The following CAMKMT variants were observed in gnomAD, a reference collection of about 807,000 sequenced individuals.
CAMKMT encodes the protein calmodulin-lysine N-methyltransferase, also known as CaM KMT.
Under a neutral mutation model 48.0 loss-of-function variants are expected in CAMKMT, and 53 were observed. That is an observed-to-expected ratio of 1.10 (90% confidence interval 0.89 to 1.39). The LOEUF is 1.39. Ranked by LOEUF, CAMKMT falls within the 40% of genes most tolerant of loss-of-function variation. The pLI is 0.00. For missense variants in CAMKMT, 428 were observed against 402.7 expected, an observed-to-expected ratio of 1.06 and a Z score of -0.54; for synonymous variants, 165 against 152.3, an observed-to-expected ratio of 1.08 and a Z score of -0.61.
At chr2:44,512,423 T>C (rs955073947) in intron 3 of CAMKMT, among the ~76,000 whole-genome samples, 1 of 152,216 alleles carries the variant, frequency 6.6e-6, no homozygotes, top group African/African-American at 2.4e-5. Context: ...TTATTATTAT[T>C]TTCTAGCTTT....
chr2:44,547,314 G>GGATT (rs1667462225), intron 3 of CAMKMT, among the ~76,000 whole-genome samples: 1 of 152,134 alleles, frequency 6.6e-6, no homozygotes, highest in Non-Finnish European at 1.5e-5. Flanking sequence ...ACCTCAGCAG[G>GGATT]GATTGGTCAA....
At chr2:44,371,358 G>T (rs1679165083) in intron 1 of CAMKMT, among the ~76,000 whole-genome samples, 1 of 151,896 alleles carries the variant, frequency 6.6e-6, no homozygotes, top group South Asian at 2.1e-4. Flanking sequence ...GCCTCAAGCA[G>T]TCCTCCTGCC....
At chr2:44,627,697 CTTTTTTTTTTTTTTTT>C (rs1174344846) in intron 3 of CAMKMT, among the ~76,000 whole-genome samples, 5 of 75,098 alleles carry the variant, frequency 6.7e-5, no homozygotes, top group African/African-American at 1.2e-4. Context: ...CCATTTTATC[CTTTTTTTTTTTTTTTT>C]TTTTTTTTTT....
intron 3 of CAMKMT, among the ~76,000 whole-genome samples, chr2:44,609,074 T>G (rs1050600039): frequency 6.6e-6 from 1 of 152,240 alleles, no homozygotes; most frequent in African/African-American, 2.4e-5. Context: ...AAAAGATTGC[T>G]TTTCCACTTG....
chr2:44,583,345 C>T (rs1669673219), intron 3 of CAMKMT, among the ~76,000 whole-genome samples: 1 of 152,164 alleles, frequency 6.6e-6, no homozygotes. Flanking sequence ...TGACCAGTTA[C>T]ATAATTTTTA....
chr2:44,380,568 A>G (rs2592195), intron 2 of CAMKMT, among the ~76,000 whole-genome samples: 109,748 of 151,974 alleles, frequency 0.72, 40,407 homozygotes, highest in Middle Eastern at 0.81. Flanking sequence ...GAAAAAGAAC[A>G]GTCCTTAAGT....
chr2:44,511,345 A>G (rs1055533520), intron 3 of CAMKMT, among the ~76,000 whole-genome samples: 5 of 152,156 alleles, frequency 3.3e-5, no homozygotes, highest in African/African-American at 4.8e-5. Flanking sequence ...CTGGCGTACA[A>G]TGGCGCCATC....
At chr2:44,437,998 A>T (rs137969986) in intron 3 of CAMKMT, among the ~76,000 whole-genome samples, 1 of 152,158 alleles carries the variant, frequency 6.6e-6, no homozygotes, top group African/African-American at 2.4e-5. Flanking sequence ...AGTAAAAAAT[A>T]CAGACAGCTT....
intron 3 of CAMKMT, among the ~76,000 whole-genome samples, chr2:44,398,679 T>C (rs759771131): frequency 9.2e-5 from 14 of 152,112 alleles, no homozygotes; most frequent in Non-Finnish European, 1.9e-4. Context: ...CTTATGGCTA[T>C]ATATTTTAAA....
At chr2:44,448,004 T>G (rs980041323) in intron 3 of CAMKMT, among the ~76,000 whole-genome samples, 1 of 152,212 alleles carries the variant, frequency 6.6e-6, no homozygotes, top group African/African-American at 2.4e-5. Context: ...TGCTAGAGAT[T>G]GTATTCTGTT....
At chr2:44,665,337 C>G (rs1479433394) in intron 3 of CAMKMT, among the ~76,000 whole-genome samples, 1 of 152,160 alleles carries the variant, frequency 6.6e-6, no homozygotes, top group Admixed American at 6.5e-5. Flanking sequence ...TCCCAAAGTG[C>G]TGGGATTACA....
intron 3 of CAMKMT, among the ~76,000 whole-genome samples, chr2:44,424,051 A>G (rs1396439412): frequency 1.3e-5 from 2 of 152,226 alleles, no homozygotes; most frequent in Non-Finnish European, 2.9e-5. Context: ...TATGCAAATT[A>G]CATTCATTAC....
intron 3 of CAMKMT, among the ~76,000 whole-genome samples, chr2:44,438,255 G>C (rs946366820): frequency 6.6e-6 from 1 of 152,082 alleles, no homozygotes; most frequent in East Asian, 1.9e-4. Flanking sequence ...TACTAGACTT[G>C]CATCTTCCTA....
chr2:44,387,361 C>T (rs1214967412), intron 2 of CAMKMT, among the ~76,000 whole-genome samples: 1 of 151,572 alleles, frequency 6.6e-6, no homozygotes, highest in African/African-American at 2.4e-5. Context: ...TATCCATTTG[C>T]ATGAAATGCC....
chr2:44,722,096 A>G (rs1273558796), intron 7 of CAMKMT, among the ~76,000 whole-genome samples: 1 of 151,942 alleles, frequency 6.6e-6, no homozygotes, highest in Non-Finnish European at 1.5e-5. Context: ...CATTTTTGGT[A>G]CTATTCCATT....
intron 3 of CAMKMT, among the ~76,000 whole-genome samples, chr2:44,701,396 T>C (rs1440023070): frequency 6.6e-6 from 1 of 152,162 alleles, no homozygotes; most frequent in Non-Finnish European, 1.5e-5. Flanking sequence ...AAACTTAGAT[T>C]AGCAAAAATT....
intron 6 of CAMKMT, among the ~76,000 whole-genome samples, chr2:44,712,584 A>G (rs930672518): frequency 4.6e-5 from 7 of 152,182 alleles, no homozygotes; most frequent in African/African-American, 1.7e-4. Context: ...TTTTAGCCAC[A>G]AACATATATC....
intron 3 of CAMKMT, among the ~76,000 whole-genome samples, chr2:44,428,713 A>G (rs567755732): frequency 6.6e-6 from 1 of 152,204 alleles, no homozygotes; most frequent in Non-Finnish European, 1.5e-5. Flanking sequence ...ATGTATATAT[A>G]TCTTCAATTT....
chr2:44,613,518 C>A (rs1671708330), intron 3 of CAMKMT, among the ~76,000 whole-genome samples: 1 of 152,136 alleles, frequency 6.6e-6, no homozygotes, highest in Non-Finnish European at 1.5e-5. Context: ...TTTAATATTA[C>A]CTTTGGCTAT....
Sources: gnomAD v4.1 joint callset for allele counts (sites outside exome capture counted in the v4.1 genomes callset) on GRCh38, gnomAD v4.1.1 for gene constraint, MANE v1.5 for transcripts, NCBI Gene and HGNC (gene_info 2026-07-23, HGNC 2026-07-21) for gene names.